PHF24: variants seen among roughly 807,000 people sequenced by gnomAD.
PHF24 encodes the protein PHD finger protein 24.
Under a neutral mutation model 42.6 loss-of-function variants are expected in PHF24, and 25 were observed. The ratio of observed to expected loss-of-function variants is 0.59; its 90% confidence interval spans 0.43 to 0.82. The LOEUF (loss-of-function observed/expected upper bound fraction) is 0.82. Among genes scored for constraint, PHF24 ranks in the 40% least tolerant of loss-of-function variants. The pLI, the probability that PHF24 is intolerant of heterozygous loss-of-function variation, is 0.00. For synonymous variants in PHF24, 185 were observed against 204.8 expected (o/e 0.90, Z 0.83); for missense variants, 470 against 538.1 (o/e 0.87, Z 1.25).
At chr9:34,743,986 C>T in the PHF24 span, among the ~76,000 whole-genome samples, 4 of 152,168 alleles carry the variant, frequency 2.6e-5, no homozygotes, top group South Asian at 6.2e-4. Context: ...AACTTACTCT[C>T]ATGGTAACTA....
chr9:34,702,452 A>G, the PHF24 span, among the ~76,000 whole-genome samples: 1 of 152,244 alleles, frequency 6.6e-6, no homozygotes, highest in African/African-American at 2.4e-5. Context: ...ATTTATTATT[A>G]CCACAACCCA....
chr9:34,912,629 A>G, the PHF24 span, among the ~76,000 whole-genome samples: 229 of 152,340 alleles, frequency 1.5e-3, 3 homozygotes, highest in Non-Finnish European at 5.6e-4. Flanking sequence ...CCCAAACAGC[A>G]TAGCAAATAC....
At chr9:34,953,842 G>A (rs1054169217), upstream of PHF24, among the ~76,000 whole-genome samples, 2 of 151,976 alleles carry the variant, frequency 1.3e-5, no homozygotes, top group African/African-American at 4.8e-5. The surrounding 1 kb of genome is among the most constrained non-coding windows in gnomAD (Gnocchi z 4.1). Flanking sequence ...AGCCTGAGGC[G>A]AGAGGATAGC....
At chr9:34,712,320 G>A in the PHF24 span, among the ~76,000 whole-genome samples, 3 of 151,812 alleles carry the variant, frequency 2.0e-5, no homozygotes, top group Non-Finnish European at 4.4e-5. Flanking sequence ...AACTTCTTGG[G>A]TATGTATATT....
the PHF24 span, among the ~76,000 whole-genome samples, chr9:34,900,692 T>C: frequency 6.6e-6 from 1 of 152,190 alleles, no homozygotes; most frequent in African/African-American, 2.4e-5. Flanking sequence ...TTCCAAACTT[T>C]ATGTGTTGGG....
chr9:34,727,121 T>C, the PHF24 span: 2 of 1,419,778 alleles, frequency 1.4e-6, no homozygotes, highest in Non-Finnish European at 1.8e-6. Flanking sequence ...TGTCTACCTG[T>C]CTGCTTTCCT....
the PHF24 span, among the ~76,000 whole-genome samples, chr9:34,741,691 G>A: frequency 1.2e-4 from 18 of 152,234 alleles, no homozygotes; most frequent in East Asian, 5.8e-4. Flanking sequence ...CCTGTCCAGC[G>A]ATGTTCTGCA....
chr9:34,884,006 AC>A, the PHF24 span, among the ~76,000 whole-genome samples: 1 of 152,254 alleles, frequency 6.6e-6, no homozygotes, highest in African/African-American at 2.4e-5. Context: ...AAAATGTGGC[AC>A]ATATACACCA....
the PHF24 span, among the ~76,000 whole-genome samples, chr9:34,921,906 A>T: frequency 1.3e-5 from 2 of 152,222 alleles, no homozygotes; most frequent in Non-Finnish European, 2.9e-5. Flanking sequence ...GTAAAGCCAC[A>T]ATGTACCAAA....
chr9:34,711,278 G>A, the PHF24 span, among the ~76,000 whole-genome samples: 2 of 147,438 alleles, frequency 1.4e-5, no homozygotes, highest in African/African-American at 5.0e-5. Flanking sequence ...ACAGGGTCTC[G>A]CTTTGTCACC....
chr9:34,853,618 G>C, the PHF24 span, among the ~76,000 whole-genome samples: 8 of 151,608 alleles, frequency 5.3e-5, no homozygotes, highest in South Asian at 2.1e-4. Flanking sequence ...CACGAGGTCA[G>C]GAGATCGAGA....
chr9:34,668,751 C>T, the PHF24 span, among the ~76,000 whole-genome samples: 1 of 152,176 alleles, frequency 6.6e-6, no homozygotes, highest in Non-Finnish European at 1.5e-5. Flanking sequence ...AAGATCTTTA[C>T]CTTAAAACAG....
chr9:34,759,959 C>G, the PHF24 span, among the ~76,000 whole-genome samples: 13 of 152,274 alleles, frequency 8.5e-5, no homozygotes, highest in African/African-American at 2.9e-4. Flanking sequence ...CTTGTGCGGA[C>G]AGGACAGTGG....
the PHF24 span, among the ~76,000 whole-genome samples, chr9:34,807,085 A>G: frequency 2.6e-5 from 4 of 152,328 alleles, no homozygotes; most frequent in Non-Finnish European, 4.4e-5. Flanking sequence ...AATGTTGAGT[A>G]TAAGTGGTGA....
the PHF24 span, among the ~76,000 whole-genome samples, chr9:34,810,939 G>A: frequency 6.6e-6 from 1 of 152,168 alleles, no homozygotes; most frequent in African/African-American, 2.4e-5. Flanking sequence ...GGGTTTGACC[G>A]TCCAGAAGGA....
the PHF24 span, among the ~76,000 whole-genome samples, chr9:34,798,742 T>C: frequency 4.1e-4 from 63 of 152,356 alleles, no homozygotes; most frequent in African/African-American, 1.2e-3. Context: ...GTAATGGGAT[T>C]GCTGGGCCAA....
the PHF24 span, chr9:34,691,282 C>T: frequency 1.8e-5 from 11 of 609,616 alleles, no homozygotes; most frequent in Admixed American, 2.9e-5. Flanking sequence ...GGAATGTGAG[C>T]CCTGCAGCTG....
the PHF24 span, among the ~76,000 whole-genome samples, chr9:34,921,767 C>T: frequency 6.6e-6 from 1 of 152,174 alleles, no homozygotes; most frequent in East Asian, 1.9e-4. Flanking sequence ...GTGCTCCAAA[C>T]CTTAAAATAC....
the PHF24 span, among the ~76,000 whole-genome samples, chr9:34,903,827 T>C: frequency 6.6e-6 from 1 of 152,222 alleles, no homozygotes; most frequent in African/African-American, 2.4e-5. Flanking sequence ...GTGTTTCCAT[T>C]TGTTTGTGTC....
Sources: allele counts gnomAD v4.1 joint callset (sites outside exome capture counted in the v4.1 genomes callset), GRCh38; gene constraint gnomAD v4.1.1; non-coding constraint Gnocchi (gnomAD v3.1); transcripts MANE v1.5; gene names NCBI Gene and HGNC (gene_info 2026-07-23, HGNC 2026-07-21).